Variants in CSPP1 observed in about 807,000 individuals in gnomAD.
CSPP1 encodes the protein centrosome and spindle pole associated protein 1.
In CSPP1, 126 loss-of-function variants were observed where a neutral mutation model predicts 164.4. The ratio of observed to expected loss-of-function variants is 0.77; its 90% CI spans 0.66 to 0.89. The LOEUF is 0.89. Among genes scored for constraint, CSPP1 ranks in the 40% least tolerant of loss-of-function variants. CSPP1 has a pLI of 0.00. For missense variants in CSPP1, 1,395 were observed against 1,449.8 expected, an observed-to-expected ratio of 0.96 and a Z score of 0.61; for synonymous variants, 472 against 476.7, an observed-to-expected ratio of 0.99 and a Z score of 0.13.
rs572775567 is a variant in CSPP1 at position 67,088,223 on chromosome 8, G to A, written c.303+2113G>A. On this transcript the variant is annotated intron_variant, in intron 4 of 30. Transcript: ENST00000678616. ...GTGGGGGACATGAGAAGAAATTGCC[G>A]TCATGAAAGTACAAATCTTTAAATT... 7.9e-5 allele frequency among the ~76,000 whole-genome samples: 12 copies of A among 152,182 alleles called. No individual in the cohort carries two copies. In the South Asian group the frequency reaches 8.3e-4, roughly 11 times the overall value.
chr8:67,160,043 C>A (rs1278343236), intron 21 of CSPP1, among the ~76,000 whole-genome samples: 5 of 41,118 alleles, frequency 1.2e-4, no homozygotes, highest in African/African-American at 3.1e-4. Context: ...TTTTCTTTTT[C>A]TTTTTCTTTC....
chr8:67,178,844 T>C (rs1320300119), intron 27 of CSPP1, among the ~76,000 whole-genome samples: 1 of 152,178 alleles, frequency 6.6e-6, no homozygotes, highest in East Asian at 1.9e-4. Context: ...TCTGGGACTT[T>C]GCCTTTGACA....
In CSPP1 at chr8:67,190,869, G is replaced by T. The variant is rs1836032341; in HGVS notation, c.3330+110G>T. ...ATAAAGAGCACTTGCTTGAAATTCA[G>T]ACATGGGTCTGAATCTAGGCTCTGC... On this transcript the variant is annotated intron_variant, in intron 29 of 30. Coordinates refer to ENST00000678616, the MANE Select transcript of CSPP1 (RefSeq NM_001382391.1). 4 of 761,684 alleles carry T rather than the reference G, an allele frequency of 5.3e-6. 1 individual carries two copies. The highest frequency in any genetic ancestry group is 4.2e-5 in the Admixed American group (2 of 47,418). 47.2% of individuals were successfully genotyped at this position (761,684 alleles called of 1,614,324 possible).
chr8:67,159,555 C>T (rs1450550346), intron 21 of CSPP1, among the ~76,000 whole-genome samples: 2 of 109,644 alleles, frequency 1.8e-5, no homozygotes, highest in Non-Finnish European at 3.3e-5. Context: ...TAATCTCGCT[C>T]TGTTGCCCAG....
At chr8:67,165,154 C>G (rs1385094277) in intron 24 of CSPP1, among the ~76,000 whole-genome samples, 3 of 151,996 alleles carry the variant, frequency 2.0e-5, no homozygotes, top group African/African-American at 7.3e-5. Context: ...TGTGGTGGCA[C>G]GCCCCTGTGG....
intron 28 of CSPP1, among the ~76,000 whole-genome samples, chr8:67,181,298 A>G (rs1563771318): frequency 1.3e-5 from 2 of 149,618 alleles, no homozygotes; most frequent in Admixed American, 1.3e-4. Context: ...TCAGCCTCCC[A>G]AATTGCTGGG....
At position 67,083,345 on chromosome 8, in the gene CSPP1, A is replaced by G. The variant is rs1229683161; in HGVS notation, c.200-2662A>G. Reference sequence around the variant, plus strand: ...TCAGGAGTTTGAGACCAGCCTGGCCAATATGGTGAAACCCCGCCTCCACTA... The same window carrying G: ...TCAGGAGTTTGAGACCAGCCTGGCCGATATGGTGAAACCCCGCCTCCACTA... On this transcript the variant is annotated intron_variant, in intron 3 of 30. Transcript: ENST00000678616. 5.9e-5 allele frequency among the ~76,000 whole-genome samples: 9 copies of G among 151,544 alleles called. No individual in the cohort carries two copies. The East Asian group carries it at 1.7e-3, about 29-fold the overall frequency.
chr8:67,119,038 A>T (rs866122995), intron 15 of CSPP1, among the ~76,000 whole-genome samples: 1 of 151,978 alleles, frequency 6.6e-6, no homozygotes, highest in African/African-American at 2.4e-5. Flanking sequence ...GTACCTCCTC[A>T]TTCCCCTACC....
In CSPP1 at chr8:67,196,109, T is replaced by C. The variant is rs942265959; in HGVS notation, c.*516T>C. 1 of 152,884 alleles carries C rather than the reference T, an allele frequency of 6.5e-6. No individual in the cohort carries two copies. Among genetic ancestry groups the C allele is most frequent in the Non-Finnish European group, 1.5e-5 (1 of 68,528 alleles). The allele number at this position is 152,884 out of a possible 1,614,324, so 9.5% of individuals were successfully genotyped here. On this transcript the variant is annotated 3_prime_UTR_variant, in exon 31 of 31. Transcript: ENST00000678616. Reference sequence around the variant, plus strand: ...CTGATACAGCAGAAATGAAGGGAACTGTAATTACTTGTATTTTTGTAAGCC... The same window carrying C: ...CTGATACAGCAGAAATGAAGGGAACCGTAATTACTTGTATTTTTGTAAGCC...
In CSPP1 at chr8:67,156,461, T is replaced by C. The variant is rs572376048; in HGVS notation, c.2242-1986T>C. 2.7e-4 allele frequency among the ~76,000 whole-genome samples: 41 copies of C among 152,334 alleles called. 2 individuals are homozygous for C. The East Asian group carries it at 3.7e-3, about 14-fold the overall frequency. ...TTCTTCCACCCTGTCAACCCTCAAT[T>C]TATCTGTGAATGGATTGCTTTCAGA... On this transcript the variant is annotated intron_variant, in intron 19 of 30. Coordinates refer to ENST00000678616, the MANE Select transcript of CSPP1 (RefSeq NM_001382391.1).
chr8:67,156,066 C>G (rs1189802925), intron 19 of CSPP1, among the ~76,000 whole-genome samples: 1 of 152,142 alleles, frequency 6.6e-6, no homozygotes, highest in Non-Finnish European at 1.5e-5. Flanking sequence ...TAAGTACCTC[C>G]TCTAATGCTT....
chr8:67,131,533 G>C (rs1821236914), intron 15 of CSPP1, among the ~76,000 whole-genome samples: 1 of 151,968 alleles, frequency 6.6e-6, no homozygotes, highest in Non-Finnish European at 1.5e-5. Context: ...TAATTACATT[G>C]TTTTATTCTT....
chr8:67,194,717 G>A (rs1281796331), intron 30 of CSPP1, among the ~76,000 whole-genome samples: 1 of 151,010 alleles, frequency 6.6e-6, no homozygotes, highest in Non-Finnish European at 1.5e-5. Context: ...TGATATCACA[G>A]GGTAGGAAGA....
chr8:67,170,166 C>T (rs925094899), intron 24 of CSPP1, among the ~76,000 whole-genome samples: 2 of 151,508 alleles, frequency 1.3e-5, no homozygotes, highest in African/African-American at 2.4e-5. Context: ...CAATTCTGAC[C>T]GGATATGGTG....
chr8:67,172,573 CT>C lies in CSPP1; in HGVS notation c.2968+22del, dbSNP rs775880987. 1 of 1,597,870 alleles carries C rather than the reference CT, an allele frequency of 6.3e-7. No individual in the cohort carries two copies. The highest frequency in any genetic ancestry group is 1.3e-5 in the African/African-American group (1 of 74,512). On this transcript the variant is annotated intron_variant, in intron 25 of 30. Coordinates refer to ENST00000678616, the MANE Select transcript of CSPP1 (RefSeq NM_001382391.1). ...AGATAGAGGTGAGTAGATTGCTGCTCTTTTAAAGATGTAGCAGAAGTGTTCT... is the reference window on the plus strand; with the variant it reads ...AGATAGAGGTGAGTAGATTGCTGCTCTTTAAAGATGTAGCAGAAGTGTTCT...
In CSPP1 at chr8:67,137,568, G is replaced by T; in HGVS notation, c.1940G>T (p.Gly647Val). The change falls in exon 17 of 31, where the codon GGT (glycine) becomes GTT (valine). Residue 647 changes from glycine (G) to valine (V), a missense_variant. By Grantham distance (109) the Gly-to-Val change is moderately radical (BLOSUM62 -3). Coordinates refer to ENST00000678616, the MANE Select transcript of CSPP1 (RefSeq NM_001382391.1). ...AATCCCTGGGGAAAAGGTGGAGGTGGTGCTCCTCTCAGGGATGCAAAAGGA... is the reference window on the plus strand; with the variant it reads ...AATCCCTGGGGAAAAGGTGGAGGTGTTGCTCCTCTCAGGGATGCAAAAGGA... ...TYNPWGKGGG[G>V]APLRDAKGNL... The T allele has an allele frequency of 6.3e-7, 1 of 1,592,446 alleles. No individual in the cohort carries two copies. The highest frequency in any genetic ancestry group is 8.5e-7 in the Non-Finnish European group (1 of 1,170,208).
chr8:67,164,989 T>C (rs1281626871), intron 24 of CSPP1, among the ~76,000 whole-genome samples: 1 of 152,192 alleles, frequency 6.6e-6, no homozygotes, highest in Non-Finnish European at 1.5e-5. Flanking sequence ...ATTTTGATTA[T>C]AAAAAAGTTG....
chr8:67,193,403 C>G, intron 29 of CSPP1, 61 bp from the exon 30 acceptor site: 1 of 1,490,552 alleles, frequency 6.7e-7, no homozygotes, highest in Non-Finnish European at 9.3e-7. Context: ...GGCCCTGATT[C>G]ACTGATTTGT....
At chr8:67,131,511 G>A (rs1179633281) in intron 15 of CSPP1, among the ~76,000 whole-genome samples, 1 of 152,156 alleles carries the variant, frequency 6.6e-6, no homozygotes, top group African/African-American at 2.4e-5. Context: ...GAGACAGTCA[G>A]ACTTTTTCCT....
Sources: gnomAD v4.1 joint callset for allele counts (sites outside exome capture counted in the v4.1 genomes callset) on GRCh38, gnomAD v4.1.1 for gene constraint, MANE v1.5 for transcripts, NCBI Gene and HGNC (gene_info 2026-07-23, HGNC 2026-07-21) for gene names.